Variants in CPED1 observed in about 807,000 individuals in gnomAD.
CPED1 encodes the protein cadherin-like and PC-esterase domain-containing protein 1.
In CPED1, 114 loss-of-function variants were observed where a neutral mutation model predicts 128.2. The observed-to-expected ratio is 0.89, with a 90% CI of 0.76 to 1.04. The LOEUF is 1.04. Ranked by LOEUF, CPED1 falls within the 50% of genes least tolerant of loss-of-function variation. The pLI, the probability that CPED1 is intolerant of heterozygous loss-of-function variation, is 0.00. For synonymous variants in CPED1, 462 were observed against 426.7 expected (o/e 1.08, Z -1.02); for missense variants, 1,211 against 1,207.1 (o/e 1.00, Z -0.05).
At chr7:121,243,376 C>T (rs569215315) in intron 17 of CPED1, among the ~76,000 whole-genome samples, 1 of 152,086 alleles carries the variant, frequency 6.6e-6, no homozygotes, top group South Asian at 2.1e-4. Flanking sequence ...TTAATGTATC[C>T]ACTCACACTA....
intron 11 of CPED1, 55 bp downstream of exon 11, chr7:121,128,541 A>G (rs1795567311): frequency 2.3e-6 from 2 of 867,302 alleles, no homozygotes; most frequent in African/African-American, 3.3e-5. Context: ...AGAGTAGATC[A>G]CTGTAAGCTA....
chr7:121,212,899 T>A (rs1225306006), intron 16 of CPED1, among the ~76,000 whole-genome samples: 1 of 152,042 alleles, frequency 6.6e-6, no homozygotes, highest in Non-Finnish European at 1.5e-5. Flanking sequence ...TCTAATGGAC[T>A]GTTATCCAAA....
chr7:121,248,057 G>A (rs984966544), intron 18 of CPED1, among the ~76,000 whole-genome samples: 8 of 152,136 alleles, frequency 5.3e-5, no homozygotes, highest in Admixed American at 2.0e-4. Flanking sequence ...ATCCCCTAGC[G>A]CACCTGAAAC....
chr7:121,069,449 C>T (rs1200521314), intron 5 of CPED1, among the ~76,000 whole-genome samples: 1 of 152,040 alleles, frequency 6.6e-6, no homozygotes, highest in Non-Finnish European at 1.5e-5. Flanking sequence ...GAGAGATGAT[C>T]ATGCTGGTAA....
chr7:121,032,285 A>G (rs1792753598), intron 3 of CPED1, among the ~76,000 whole-genome samples: 1 of 152,206 alleles, frequency 6.6e-6, no homozygotes, highest in African/African-American at 2.4e-5. Context: ...AGTAGTAAAC[A>G]ATTAGAGATA....
chr7:121,091,984 A>G (rs936964671), intron 5 of CPED1, among the ~76,000 whole-genome samples: 1 of 152,152 alleles, frequency 6.6e-6, no homozygotes, highest in Non-Finnish European at 1.5e-5. Context: ...AATGAACCCT[A>G]GGCCTCTAAA....
chr7:121,033,245 A>T (rs1205142031), intron 3 of CPED1, among the ~76,000 whole-genome samples: 3 of 152,210 alleles, frequency 2.0e-5, no homozygotes, highest in Non-Finnish European at 2.9e-5. Flanking sequence ...CTGCTGAAGA[A>T]ACATGAGGGT....
At chr7:121,088,809 C>T (rs900564371) in intron 5 of CPED1, among the ~76,000 whole-genome samples, 1 of 88,088 alleles carries the variant, frequency 1.1e-5, no homozygotes, top group African/African-American at 3.6e-5. Flanking sequence ...GTGTAATAAT[C>T]TCATTAACAT....
At chr7:121,135,890 G>T (rs1404912716) in intron 13 of CPED1, 150 bp from the exon 14 acceptor site, 2 of 456,134 alleles carry the variant, frequency 4.4e-6, no homozygotes, top group Non-Finnish European at 3.7e-6. Context: ...TTATTTTATT[G>T]TAGTTTACAG....
At chr7:121,145,472 T>A (rs1796004390) in intron 16 of CPED1, among the ~76,000 whole-genome samples, 1 of 152,112 alleles carries the variant, frequency 6.6e-6, no homozygotes, top group African/African-American at 2.4e-5. Flanking sequence ...TATTATATTT[T>A]ATAACATGGA....
intron 7 of CPED1, among the ~76,000 whole-genome samples, chr7:121,114,679 G>A (rs1795192860): frequency 2.0e-5 from 3 of 152,214 alleles, no homozygotes. Context: ...TAAAGTTTCT[G>A]TAAGTTAGAT....
At chr7:121,120,433 G>A (rs1795355635) in intron 7 of CPED1, among the ~76,000 whole-genome samples, 1 of 152,120 alleles carries the variant, frequency 6.6e-6, no homozygotes, top group African/African-American at 2.4e-5. Context: ...TGATGCTGGT[G>A]CAAAATGACC....
At chr7:121,183,109 C>A (rs560898422) in intron 16 of CPED1, among the ~76,000 whole-genome samples, 2 of 152,102 alleles carry the variant, frequency 1.3e-5, no homozygotes, top group South Asian at 4.2e-4. Flanking sequence ...TGCTGTAGAA[C>A]CTACAAGCTT....
chr7:121,059,183 A>T (rs1220260587), intron 4 of CPED1, among the ~76,000 whole-genome samples: 2 of 152,156 alleles, frequency 1.3e-5, no homozygotes, highest in Non-Finnish European at 2.9e-5. Context: ...TCTAGCTCTA[A>T]ATTGTTGTAG....
At chr7:121,089,106 A>G (rs1031265643) in intron 5 of CPED1, among the ~76,000 whole-genome samples, 1 of 152,168 alleles carries the variant, frequency 6.6e-6, no homozygotes, top group African/African-American at 2.4e-5. Flanking sequence ...TAATCATATC[A>G]CTGAGCAACT....
At chr7:121,155,611 G>A (rs1368609734) in intron 16 of CPED1, among the ~76,000 whole-genome samples, 1 of 152,172 alleles carries the variant, frequency 6.6e-6, no homozygotes, top group Non-Finnish European at 1.5e-5. Flanking sequence ...AATGGGGAAA[G>A]GACAGTCTTT....
intron 4 of CPED1, among the ~76,000 whole-genome samples, chr7:121,049,001 GA>G (rs1490235332): frequency 5.3e-5 from 8 of 152,132 alleles, no homozygotes; most frequent in African/African-American, 1.9e-4. Flanking sequence ...TCACAGTTTT[GA>G]GATGAAAAAT....
intron 5 of CPED1, among the ~76,000 whole-genome samples, chr7:121,095,961 C>G (rs1288729022): frequency 6.6e-6 from 1 of 152,014 alleles, no homozygotes; most frequent in Non-Finnish European, 1.5e-5. Flanking sequence ...TTTGGAGAAA[C>G]AAAACTTGTC....
chr7:121,248,528 C>A (rs1366774411), intron 18 of CPED1, among the ~76,000 whole-genome samples: 3 of 146,764 alleles, frequency 2.0e-5, no homozygotes, highest in African/African-American at 5.1e-5. Flanking sequence ...TATATGCCAT[C>A]TACTGGATCA....
Sources: gnomAD v4.1 joint callset for allele counts (sites outside exome capture counted in the v4.1 genomes callset) on GRCh38, gnomAD v4.1.1 for gene constraint, MANE v1.5 for transcripts, NCBI Gene and HGNC (gene_info 2026-07-23, HGNC 2026-07-21) for gene names.